The following KPNA1 variants were observed in gnomAD, a reference collection of about 807,000 sequenced individuals.
KPNA1 encodes karyopherin subunit alpha 1.
KPNA1 carries 10 observed loss-of-function variants against 70.5 expected under a neutral mutation model. The ratio of observed to expected loss-of-function variants is 0.14; its 90% CI spans 0.09 to 0.24. The LOEUF is 0.24. Among genes scored for constraint, KPNA1 ranks in the 10% least tolerant of loss-of-function variants. The pLI is 1.00. For synonymous variants in KPNA1, 192 were observed against 221.9 expected (o/e 0.87, Z 1.20); for missense variants, 397 against 637.9 (o/e 0.62, Z 4.07).
chr3:122,489,704 TC>T (rs1314976743), intron 2 of KPNA1, among the ~76,000 whole-genome samples: 1 of 152,220 alleles, frequency 6.6e-6, no homozygotes, highest in African/African-American at 2.4e-5. Flanking sequence ...CTGATCATTC[TC>T]CCCATTACAG....
At chr3:122,432,494 G>A (rs1407488012) in intron 12 of KPNA1, 1 of 152,066 alleles carries the variant, frequency 6.6e-6, no homozygotes, top group Non-Finnish European at 1.5e-5. Context: ...TCTGATGAAT[G>A]CCTACATTCA....
At chr3:122,481,190 T>C (rs1037634218) in intron 2 of KPNA1, among the ~76,000 whole-genome samples, 4 of 152,182 alleles carry the variant, frequency 2.6e-5, no homozygotes, top group Admixed American at 2.6e-4. Flanking sequence ...GTATAGTACA[T>C]ACATAGAAAT....
chr3:122,443,870 TC>T (rs2076098941), intron 9 of KPNA1, among the ~76,000 whole-genome samples: 1 of 152,150 alleles, frequency 6.6e-6, no homozygotes, highest in Non-Finnish European at 1.5e-5. Context: ...AGGTTTCATG[TC>T]CCACTGTACA....
chr3:122,460,534 G>C (rs959026928), intron 5 of KPNA1: 2 of 199,274 alleles, frequency 1.0e-5, no homozygotes, highest in Non-Finnish European at 1.8e-5. Flanking sequence ...CTTCATGGGA[G>C]GCTGAGGCAG....
intron 10 of KPNA1, among the ~76,000 whole-genome samples, chr3:122,438,349 C>T (rs981291643): frequency 6.6e-6 from 1 of 151,910 alleles, no homozygotes; most frequent in Non-Finnish European, 1.5e-5. Context: ...AATTAAACCT[C>T]TTTTCTTTAT....
chr3:122,514,816 C>T lies in KPNA1; in HGVS notation c.-65G>A, dbSNP rs2107518419. On this transcript the variant is annotated 5_prime_UTR_variant, in exon 1 of 14. Coordinates refer to ENST00000344337, the MANE Select transcript of KPNA1 (RefSeq NM_002264.4). ...GAAGTTAGCCCCTCGCTCGCCCGCC[C>T]GCCGTGCCACTCCCGCGCACAACCT... 1 of 153,236 alleles carries T rather than the reference C, an allele frequency of 6.5e-6. No homozygotes were observed. Among genetic ancestry groups the T allele is most frequent in the East Asian group, 1.9e-4 (1 of 5,190 alleles). 9.5% of individuals were successfully genotyped at this position (153,236 alleles called of 1,614,324 possible). A position where few individuals can be genotyped will look rare whatever the true frequency, so the allele number is the denominator to read the frequency against.
At chr3:122,489,853 A>G (rs1186823272) in intron 2 of KPNA1, among the ~76,000 whole-genome samples, 1 of 152,192 alleles carries the variant, frequency 6.6e-6, no homozygotes, top group African/African-American at 2.4e-5. Context: ...AGTTATATGG[A>G]AACTGTTTGA....
intron 12 of KPNA1, 23 bp from the exon 13 acceptor site, chr3:122,427,739 T>G (rs994581033): frequency 9.5e-6 from 14 of 1,468,446 alleles, no homozygotes; most frequent in Non-Finnish European, 1.3e-5. Context: ...AATAATGTAG[T>G]CAAACAAAAC....
chr3:122,482,777 A>G (rs2076586004), intron 2 of KPNA1, among the ~76,000 whole-genome samples: 2 of 152,226 alleles, frequency 1.3e-5, no homozygotes, highest in Admixed American at 6.5e-5. Context: ...AAAATCTGAC[A>G]AAAGATAAAA....
At chr3:122,504,067 A>C (rs927868691) in intron 1 of KPNA1, among the ~76,000 whole-genome samples, 1 of 152,246 alleles carries the variant, frequency 6.6e-6, no homozygotes, top group Non-Finnish European at 1.5e-5. Context: ...AGAATGTACA[A>C]CACTAAGAAT....
At chr3:122,436,194 G>A (rs564530611) in intron 11 of KPNA1, among the ~76,000 whole-genome samples, 8 of 152,288 alleles carry the variant, frequency 5.3e-5, no homozygotes, top group Admixed American at 1.3e-4. Flanking sequence ...CTATTAGGAC[G>A]AGGAAATTCC....
chr3:122,428,655 A>G (rs949637429), intron 12 of KPNA1, among the ~76,000 whole-genome samples: 28 of 152,232 alleles, frequency 1.8e-4, no homozygotes, highest in Admixed American at 1.3e-4. Context: ...TTCTTGAAAG[A>G]CACAAACCAC....
intron 1 of KPNA1, among the ~76,000 whole-genome samples, chr3:122,506,922 A>G (rs1231944553): frequency 2.6e-5 from 4 of 152,224 alleles, no homozygotes; most frequent in Non-Finnish European, 1.5e-5. Context: ...GAATGTACAT[A>G]AAGGAAACAA....
chr3:122,505,273 T>G (rs1233025247), intron 1 of KPNA1, among the ~76,000 whole-genome samples: 1 of 38,264 alleles, frequency 2.6e-5, no homozygotes. Flanking sequence ...ACTGCATGCC[T>G]CAAAAAAAAA....
At chr3:122,449,494 C>A (rs3749209) in intron 9 of KPNA1, 80 bp downstream of exon 9, 593,317 of 1,083,260 alleles carry the variant, frequency 0.55, 165,555 homozygotes, top group East Asian at 0.63. Context: ...ATGTACAATC[C>A]ATTAATATTT....
At chr3:122,456,495 G>GA (rs1359183484) in intron 5 of KPNA1, among the ~76,000 whole-genome samples, 1 of 152,154 alleles carries the variant, frequency 6.6e-6, no homozygotes, top group African/African-American at 2.4e-5. Context: ...TTATTGGTGA[G>GA]AAAAAATTAC....
chr3:122,476,468 G>C (rs2076498591), intron 2 of KPNA1, among the ~76,000 whole-genome samples: 1 of 152,142 alleles, frequency 6.6e-6, no homozygotes, highest in East Asian at 1.9e-4. Context: ...GGAATCAAAA[G>C]AGTGAAGAGA....
At chr3:122,428,697 G>A (rs1271617492) in intron 12 of KPNA1, among the ~76,000 whole-genome samples, 1 of 152,188 alleles carries the variant, frequency 6.6e-6, no homozygotes, top group Admixed American at 6.5e-5. Context: ...TGACTGATGT[G>A]AACAGGCTTA....
At chr3:122,465,763 G>T (rs911358311) in intron 3 of KPNA1, among the ~76,000 whole-genome samples, 3 of 152,210 alleles carry the variant, frequency 2.0e-5, no homozygotes, top group African/African-American at 7.2e-5. Flanking sequence ...TTAGCTGGGG[G>T]TAGTGGCGCA....
Sources: allele counts gnomAD v4.1 joint callset (sites outside exome capture counted in the v4.1 genomes callset), GRCh38; gene constraint gnomAD v4.1.1; transcripts MANE v1.5; gene names NCBI Gene and HGNC (gene_info 2026-07-23, HGNC 2026-07-21).